MYH11: variants seen among roughly 807,000 people sequenced by gnomAD.
MYH11 encodes myosin heavy chain 11, also known as myosin-11.
MYH11 carries 80 observed loss-of-function variants against 246.6 expected under a neutral mutation model. The observed-to-expected ratio is 0.32, with a 90% CI of 0.27 to 0.39. The LOEUF (loss-of-function observed/expected upper bound fraction) is 0.39, where lower values mean the gene tolerates loss of function less well. Ranked by LOEUF, MYH11 falls within the 10% of genes least tolerant of loss-of-function variation. The pLI is 1.00. For synonymous variants in MYH11, 1,071 were observed against 1,015.5 expected (o/e 1.05, Z -1.04); for missense variants, 2,158 against 2,546.8 (o/e 0.85, Z 3.29).
intron 1 of MYH11, among the ~76,000 whole-genome samples, chr16:15,848,228 CT>C (rs71134473): frequency 0.021 from 2,202 of 104,284 alleles, 42 homozygotes; most frequent in African/African-American, 0.064. Context: ...GTTGCTAAGT[CT>C]TTTTTTTTTT....
chr16:15,742,046 G>C (rs773107349), intron 20 of MYH11, 155 bp from the exon 21 acceptor site: 2,149 of 1,203,186 alleles, frequency 1.8e-3, no homozygotes, highest in Non-Finnish European at 2.5e-3. Flanking sequence ...TGTCACAGCT[G>C]GGGTGGGGGG....
intron 3 of MYH11, among the ~76,000 whole-genome samples, chr16:15,806,770 G>GGTCAAGGGCTGTGCCTGATCCCGA (rs72258304): frequency 2.2e-5 from 2 of 90,188 alleles, no homozygotes; most frequent in African/African-American, 6.7e-5. Flanking sequence ...AGCTCCTGAA[G>GGTCAAGGGCTGTGCCTGATCCCGA]GTACAAGGAA....
At chr16:15,757,662 G>C (rs764112563) in intron 13 of MYH11, among the ~76,000 whole-genome samples, 165 bp downstream of exon 13, 1 of 152,088 alleles carries the variant, frequency 6.6e-6, no homozygotes, top group Admixed American at 6.6e-5. Context: ...AATGGAAATT[G>C]TAAGAGTTCA....
chr16:15,725,669 A>G, intron 28 of MYH11: 1 of 399,024 alleles, frequency 2.5e-6, no homozygotes, highest in Non-Finnish European at 4.4e-6. Context: ...ACTGCATGTG[A>G]GAAAAAAACA....
intron 2 of MYH11, among the ~76,000 whole-genome samples, chr16:15,835,799 G>C (rs1235473964): frequency 6.7e-6 from 1 of 149,168 alleles, no homozygotes; most frequent in Non-Finnish European, 1.5e-5. Context: ...TGTCACCCAG[G>C]CTAGAGTGCA....
At chr16:15,710,190 G>A (rs554903060) in intron 40 of MYH11, among the ~76,000 whole-genome samples, 1 of 152,292 alleles carries the variant, frequency 6.6e-6, no homozygotes, top group South Asian at 2.1e-4. Context: ...TCAAGTGTCT[G>A]GGGCAGAACC....
At chr16:15,752,928 T>TGA (rs1162156726) in intron 15 of MYH11, among the ~76,000 whole-genome samples, 2 of 152,180 alleles carry the variant, frequency 1.3e-5, no homozygotes, top group Non-Finnish European at 2.9e-5. Flanking sequence ...TGCTTGAGTT[T>TGA]GAGCATCACT....
At chr16:15,830,122 G>C (rs561941884) in intron 2 of MYH11, among the ~76,000 whole-genome samples, 8 of 122,576 alleles carry the variant, frequency 6.5e-5, no homozygotes, top group African/African-American at 2.3e-4. Context: ...GTGATACAGC[G>C]AGACTTGGTC....
chr16:15,703,772 T>C lies in MYH11; in HGVS notation c.*219A>G. 4.8e-6 allele frequency: 3 copies of C among 620,216 alleles called. No individual in the cohort carries two copies. The highest frequency in any genetic ancestry group is 8.5e-6 in the Non-Finnish European group (3 of 351,302). 38.4% of individuals were successfully genotyped at this position (620,216 alleles called of 1,614,324 possible). On this transcript the variant is annotated 3_prime_UTR_variant, in exon 41 of 41. Transcript: ENST00000300036. ...CCCAGCTTATTTTTAAATTCTTGTATAGATGAGGTTTTACTACGTTGCCCA... is the reference window on the plus strand; with the variant it reads ...CCCAGCTTATTTTTAAATTCTTGTACAGATGAGGTTTTACTACGTTGCCCA...
chr16:15,756,551 AC>A, intron 13 of MYH11, 37 bp from the exon 14 acceptor site: 1 of 1,611,692 alleles, frequency 6.2e-7, no homozygotes, highest in Non-Finnish European at 8.5e-7. Flanking sequence ...CAGAGAGAAC[AC>A]CCAACCTCAG....
chr16:15,735,690 C>T, intron 25 of MYH11, 112 bp from the exon 26 acceptor site: 1 of 977,892 alleles, frequency 1.0e-6, no homozygotes, highest in Non-Finnish European at 1.6e-6. Context: ...AGACATCAAA[C>T]ACCTTCTATC....
intron 10 of MYH11, 55 bp downstream of exon 10, chr16:15,763,741 T>TCGCCCCCCCCCCC: frequency 1.5e-6 from 1 of 646,862 alleles, no homozygotes; most frequent in Non-Finnish European, 2.9e-6. Context: ...AAATGTCACC[T>TCGCCCCCCCCCCC]CCCCCACCCC....
intron 1 of MYH11, among the ~76,000 whole-genome samples, chr16:15,841,807 G>T (rs1225421611): frequency 6.6e-6 from 1 of 152,176 alleles, no homozygotes; most frequent in Non-Finnish European, 1.5e-5. Flanking sequence ...CTGGCTAAGT[G>T]AGGACATATG....
chr16:15,786,824 A>C lies in MYH11; in HGVS notation c.531-92T>G, dbSNP rs1300821118. On this transcript the variant is annotated intron_variant, in intron 4 of 40. Transcript: ENST00000300036. ...AGGCAGGACAATAATGATCATCACC[A>C]CCATTTCCCAGAGGGTGAAACAGAG... The C allele has an allele frequency of 2.6e-6, 3 of 1,154,910 alleles. No homozygotes were observed. In the East Asian group the frequency reaches 7.6e-5, roughly 29 times the overall value. 71.5% of individuals were successfully genotyped at this position (1,154,910 alleles called of 1,614,324 possible).
At chr16:15,745,267 G>A (rs557501979) in intron 19 of MYH11, 30 bp from the exon 20 acceptor site, 263 of 1,439,900 alleles carry the variant, frequency 1.8e-4, no homozygotes, top group Admixed American at 3.0e-4. Context: ...AGGTGCGGGG[G>A]TCATGAAGCC....
rs1473430095 is a variant in MYH11, at chr16:15,750,015, C to T, written c.2058+123G>A. The T allele has an allele frequency of 4.2e-6, 5 of 1,194,516 alleles. No homozygotes were observed. The Admixed American group carries it at 5.6e-5, about 13-fold the overall frequency. 74.0% of individuals were successfully genotyped at this position (1,194,516 alleles called of 1,614,324 possible). A position where few individuals can be genotyped will look rare whatever the true frequency, so the allele number is the denominator to read the frequency against. ...GGAATGGGTCTGAGATTCAGATAGC[C>T]TTCCCCACATGGAAAATGGGGTCCT... On this transcript the variant is annotated intron_variant, in intron 16 of 40. Coordinates refer to ENST00000300036, the MANE Select transcript of MYH11 (RefSeq NM_002474.3). This position sits in a 1 kb window ranked among gnomAD's most constrained non-coding sequence, Gnocchi z 4.3.
intron 4 of MYH11, among the ~76,000 whole-genome samples, chr16:15,793,717 T>G (rs2042673093): frequency 6.7e-6 from 1 of 148,638 alleles, no homozygotes; most frequent in Non-Finnish European, 1.5e-5. Context: ...CCCCCCAGGT[T>G]CACGCCATTC....
chr16:15,819,073 C>A (rs2043337091), intron 3 of MYH11, among the ~76,000 whole-genome samples: 1 of 152,018 alleles, frequency 6.6e-6, no homozygotes, highest in African/African-American at 2.4e-5. Flanking sequence ...CAAGAGCTCA[C>A]TATGTTGGCC....
rs1464477529 is a variant in MYH11 at position 15,813,718 on chromosome 16, C to T, written c.502+9537G>A. On this transcript the variant is annotated intron_variant, in intron 3 of 40. Transcript: ENST00000300036. ...AAATACATGAACCAGTTTAGCCGGG[C>T]ATGGTGGCTCATGCCTGGAATCCCA... 1.3e-4 allele frequency among the ~76,000 whole-genome samples: 20 copies of T among 152,036 alleles called. 1 individual carries two copies. Among genetic ancestry groups the T allele is most frequent in the Admixed American group, 4.6e-4 (7 of 15,262 alleles).
Sources: allele counts gnomAD v4.1 joint callset (sites outside exome capture counted in the v4.1 genomes callset), GRCh38; gene constraint gnomAD v4.1.1; non-coding constraint Gnocchi (gnomAD v3.1); transcripts MANE v1.5; gene names NCBI Gene and HGNC (gene_info 2026-07-23, HGNC 2026-07-21).